R3HCC1: variants seen among roughly 807,000 people sequenced by gnomAD.
R3HCC1 encodes R3H domain and coiled-coil containing 1.
R3HCC1 carries 32 observed loss-of-function variants against 40.0 expected under a neutral mutation model. The ratio of observed to expected loss-of-function variants is 0.80; its 90% CI spans 0.60 to 1.07. R3HCC1 has a LOEUF of 1.07. Among genes scored for constraint, R3HCC1 ranks in the 50% least tolerant of loss-of-function variants. R3HCC1 has a pLI of 0.00. For synonymous variants in R3HCC1, 237 were observed against 232.8 expected (o/e 1.02, Z -0.17); for missense variants, 586 against 563.3 (o/e 1.04, Z -0.41).
intron 7 of R3HCC1, 74 bp from the exon 8 acceptor site, chr8:23,295,893 C>T (rs1031432750): frequency 4.9e-5 from 72 of 1,475,522 alleles, no homozygotes; most frequent in East Asian, 1.7e-4. Flanking sequence ...ATGGCTTGTA[C>T]GGCTGCTGTG....
chr8:23,295,245 G>A (rs903121460), intron 7 of R3HCC1, among the ~76,000 whole-genome samples: 5 of 152,146 alleles, frequency 3.3e-5, no homozygotes, highest in African/African-American at 1.2e-4. Flanking sequence ...TCCGCTCCGG[G>A]ACCCCCAAAT....
At chr8:23,290,593 G>A (rs1482274739) in intron 4 of R3HCC1, 124 bp downstream of exon 4, 6 of 1,189,270 alleles carry the variant, frequency 5.0e-6, no homozygotes, top group Admixed American at 5.7e-5. Flanking sequence ...AGGGCTGGGT[G>A]TTGGGTGACA....
chr8:23,296,246 A>G lies in R3HCC1; in HGVS notation c.*149A>G, dbSNP rs1053326487. 27 of 951,522 alleles carry G rather than the reference A, an allele frequency of 2.8e-5. No individual in the cohort carries two copies. In the African/African-American group the frequency reaches 4.0e-4, roughly 14 times the overall value. The allele number at this position is 951,522 out of a possible 1,614,324, so 58.9% of individuals were successfully genotyped here. A position where few individuals can be genotyped will look rare whatever the true frequency, so the allele number is the denominator to read the frequency against. On this transcript the variant is annotated 3_prime_UTR_variant, in exon 8 of 8. Transcript: ENST00000265806. ...GGCTTTAGTTTAGTCCCAGAAATGG[A>G]GAAAAAATAAAAACTCACGTTGTTC...
Position 23,293,358 on chromosome 8 carries a change from C to G in R3HCC1, c.1081C>G (p.Pro361Ala). 3 of 1,551,310 alleles carry G rather than the reference C, an allele frequency of 1.9e-6. No individual in the cohort carries two copies. Among genetic ancestry groups the G allele is most frequent in the Non-Finnish European group, 2.6e-6 (3 of 1,146,832 alleles). ...TGATACTCACGCACTCGGCATCTTTCCCTGCCTGGCCTCAGGTAAGGCACC... is the reference window on the plus strand; with the variant it reads ...TGATACTCACGCACTCGGCATCTTTGCCTGCCTGGCCTCAGGTAAGGCACC... Residue 361 changes from proline to alanine, a missense_variant, in exon 6 of 8, where the codon CCC becomes GCC. By Grantham distance (27) the Pro-to-Ala change is conservative. Coordinates refer to ENST00000265806, the MANE Select transcript of R3HCC1 (RefSeq NM_001136108.3).
intron 3 of R3HCC1, 40 bp from the exon 4 acceptor site, chr8:23,289,826 C>A: frequency 2.1e-6 from 3 of 1,461,310 alleles, no homozygotes; most frequent in Non-Finnish European, 2.7e-6. Context: ...TCCTTTGGGC[C>A]CCTACACACT....
At chr8:23,288,927 CA>C (rs1198805254) in intron 2 of R3HCC1, 88 bp from the exon 3 acceptor site, 1 of 1,408,466 alleles carries the variant, frequency 7.1e-7, no homozygotes, top group Non-Finnish European at 9.6e-7. Context: ...GAAGGGAGCC[CA>C]GTGTTAATCC....
chr8:23,289,716 C>A, intron 3 of R3HCC1, 150 bp from the exon 4 acceptor site: 1 of 1,164,818 alleles, frequency 8.6e-7, no homozygotes, highest in Non-Finnish European at 1.2e-6. Context: ...CACTGTGATG[C>A]CTTCCTAAGG....
intron 3 of R3HCC1, 24 bp downstream of exon 3, chr8:23,289,177 T>C: frequency 6.5e-7 from 1 of 1,535,374 alleles, no homozygotes; most frequent in Non-Finnish European, 8.7e-7. Flanking sequence ...CACCTTGAAG[T>C]GCCTGCAGCG....
At chr8:23,295,468 T>C (rs1367151981) in intron 7 of R3HCC1, 8 of 457,088 alleles carry the variant, frequency 1.8e-5, no homozygotes, top group South Asian at 1.1e-4. Context: ...GAAACCATGG[T>C]GAGAGATTTT....
In R3HCC1 at chr8:23,294,814, C is replaced by A; in HGVS notation, c.1142C>A (p.Pro381His). Residue 381 changes from proline to histidine, a missense_variant, in exon 7 of 8, where the codon CCC becomes CAC. Transcript: ENST00000265806. The stretch of plus-strand genomic sequence containing the variant: ...GAGTTCTCGGTGCTCAAGATCCGGC[C>A]CCTCACACAGGGAACCAAGCAGTCA... The A allele has an allele frequency of 6.4e-7, 1 of 1,551,452 alleles. No individual in the cohort carries two copies. The highest frequency in any genetic ancestry group is 8.7e-7 in the Non-Finnish European group (1 of 1,146,950).
chr8:23,295,091 T>C (rs544130060), intron 7 of R3HCC1, among the ~76,000 whole-genome samples: 1 of 152,226 alleles, frequency 6.6e-6, no homozygotes, highest in African/African-American at 2.4e-5. Flanking sequence ...GGGGTCTCCC[T>C]TGGGGAGTGG....
chr8:23,294,250 T>G (rs1233740642), intron 6 of R3HCC1, among the ~76,000 whole-genome samples: 2 of 152,150 alleles, frequency 1.3e-5, no homozygotes, highest in African/African-American at 4.8e-5. Context: ...GGCGTTCTGA[T>G]CTCCACAGAC....
chr8:23,291,697 C>A (rs115794512), intron 5 of R3HCC1, among the ~76,000 whole-genome samples, 164 bp downstream of exon 5: 9 of 152,194 alleles, frequency 5.9e-5, no homozygotes, highest in African/African-American at 2.2e-4. Context: ...TTCTCCCTGC[C>A]GGCCGTCCCT....
chr8:23,295,005 T>C (rs1802967519), intron 7 of R3HCC1, 141 bp downstream of exon 7: 1 of 700,790 alleles, frequency 1.4e-6, no homozygotes, highest in East Asian at 2.8e-5. Flanking sequence ...TTCTCTGCTC[T>C]TAGGGAGCCC....
At chr8:23,291,842 C>G (rs1364289194) in intron 5 of R3HCC1, among the ~76,000 whole-genome samples, 1 of 152,232 alleles carries the variant, frequency 6.6e-6, no homozygotes, top group Non-Finnish European at 1.5e-5. Flanking sequence ...TGGCAGCCTC[C>G]TCTTCTCCTC....
Position 23,291,612 on chromosome 8 carries a change from C to G in R3HCC1, c.1025+79C>G, listed in dbSNP as rs1802869108. The G allele has an allele frequency of 2.6e-6, 4 of 1,522,862 alleles. 1 individual carries two copies. In the South Asian group the frequency reaches 4.9e-5, roughly 19 times the overall value. The allele number at this position is 1,522,862 out of a possible 1,614,324, so 94.3% of individuals were successfully genotyped here. ...TGTAGCTGGGGGTGCTTGCCTGCCC[C>G]ACACCCAGTGCCTAATGCTTCAGCA... On this transcript the variant is annotated intron_variant, in intron 5 of 7. Coordinates refer to ENST00000265806, the MANE Select transcript of R3HCC1 (RefSeq NM_001136108.3).
chr8:23,294,919 G>A (rs1802962296), intron 7 of R3HCC1, 55 bp downstream of exon 7: 14 of 1,267,958 alleles, frequency 1.1e-5, no homozygotes, highest in African/African-American at 7.5e-5. Flanking sequence ...GTGTGCGTGC[G>A]AGCATGTGTG....
Position 23,294,731 on chromosome 8 carries a change from G to T in R3HCC1, c.1097-38G>T, listed in dbSNP as rs1445266067. The T allele has an allele frequency of 6.0e-6, 9 of 1,492,196 alleles. No individual in the cohort carries two copies. In the African/African-American group the frequency reaches 8.4e-5, roughly 14 times the overall value. 92.4% of individuals were successfully genotyped at this position (1,492,196 alleles called of 1,614,324 possible). A position where few individuals can be genotyped will look rare whatever the true frequency, so the allele number is the denominator to read the frequency against. ...GGTGGGTGTGCCGCGGGGTCCTGAG[G>T]AGGAGGGAGTGGCTCCACGCCTGCT... On this transcript the variant is annotated intron_variant, in intron 6 of 7. Coordinates refer to ENST00000265806, the MANE Select transcript of R3HCC1 (RefSeq NM_001136108.3).
intron 7 of R3HCC1, among the ~76,000 whole-genome samples, chr8:23,295,156 CAG>C (rs1263816010): frequency 6.6e-6 from 1 of 152,048 alleles, no homozygotes. Context: ...CTTCTGGGCA[CAG>C]GGAAAAGCTT....
Sources: gnomAD v4.1 joint callset for allele counts (sites outside exome capture counted in the v4.1 genomes callset) on GRCh38, gnomAD v4.1.1 for gene constraint, MANE v1.5 for transcripts, NCBI Gene and HGNC (gene_info 2026-07-23, HGNC 2026-07-21) for gene names.